The following MGAT5 variants were observed in gnomAD, a reference collection of about 807,000 sequenced individuals.
MGAT5 encodes alpha-1,6-mannosylglycoprotein 6-beta-N-acetylglucosaminyltransferase, also known as alpha-1,6-mannosylglycoprotein 6-beta-N-acetylglucosaminyltransferase A.
Under a neutral mutation model 94.3 loss-of-function variants are expected in MGAT5, and 30 were observed. The ratio of observed to expected loss-of-function variants is 0.32; its 90% confidence interval spans 0.24 to 0.43. The LOEUF (loss-of-function observed/expected upper bound fraction) is 0.43. Ranked by LOEUF, MGAT5 falls within the 20% of genes least tolerant of loss-of-function variation. The pLI is 1.00. For synonymous variants in MGAT5, 310 were observed against 322.9 expected (o/e 0.96, Z 0.43); for missense variants, 691 against 905.5 (o/e 0.76, Z 3.04).
At chr2:134,205,572 T>G (rs1679987859) in intron 1 of MGAT5, among the ~76,000 whole-genome samples, 1 of 152,144 alleles carries the variant, frequency 6.6e-6, no homozygotes, top group African/African-American at 2.4e-5. Flanking sequence ...CGGCTCTCTT[T>G]CGGGCCTGCT....
Position 134,403,275 on chromosome 2 carries a change from G to A in MGAT5, c.1530+138G>A, listed in dbSNP as rs566218268. Reference sequence around the variant, plus strand: ...TGGGGCAGCAGTTTGCTAGACCAATGGCAGCTGAAAAGTAAGTGAATTGTG... The same window carrying A: ...TGGGGCAGCAGTTTGCTAGACCAATAGCAGCTGAAAAGTAAGTGAATTGTG... On this transcript the variant is annotated intron_variant, in intron 11 of 15. Transcript: ENST00000281923. 1.5e-4 allele frequency: 120 copies of A among 781,762 alleles called. No homozygotes were observed. The African/African-American group carries it at 2.0e-3, about 13-fold the overall frequency. 48.4% of individuals were successfully genotyped at this position (781,762 alleles called of 1,614,324 possible). A position where few individuals can be genotyped will look rare whatever the true frequency, so the allele number is the denominator to read the frequency against.
intron 1 of MGAT5, among the ~76,000 whole-genome samples, chr2:134,128,907 G>A (rs1424599914): frequency 1.3e-5 from 2 of 152,104 alleles, no homozygotes; most frequent in Non-Finnish European, 2.9e-5. Flanking sequence ...TTGATGCCAT[G>A]TCTGGTTAAT....
chr2:134,216,345 T>G (rs1329465341), intron 1 of MGAT5, among the ~76,000 whole-genome samples: 1 of 152,188 alleles, frequency 6.6e-6, no homozygotes, highest in Non-Finnish European at 1.5e-5. Context: ...CCGAACTTGA[T>G]TTTCAGGTTT....
At chr2:134,155,407 T>C (rs1687429463) in intron 1 of MGAT5, among the ~76,000 whole-genome samples, 2 of 152,246 alleles carry the variant, frequency 1.3e-5, no homozygotes, top group Admixed American at 1.3e-4. Context: ...GAAGTTGGTC[T>C]GATTGTGTTT....
At position 134,362,346 on chromosome 2, in the gene MGAT5, A is replaced by G; in HGVS notation, c.1318A>G (p.Ile440Val). The change falls in exon 10 of 16, where the codon ATT (isoleucine) becomes GTT (valine). Residue 440 changes from isoleucine to valine, a missense_variant. This residue lies in a region of MGAT5 where 121 missense variants were observed against 206.1 expected (regional missense o/e 0.59). Coordinates refer to ENST00000281923, the MANE Select transcript of MGAT5 (RefSeq NM_002410.5). ...QHLNSSDIHH[I>V]NEIKRQNQSL... ...CCTGAACTCCAGTGATATCCACCAC[A>G]TTAATGAAATCAAAAGGCAGAACCA... 1 of 1,614,184 alleles carries G rather than the reference A, an allele frequency of 6.2e-7. No homozygotes were observed. The highest frequency in any genetic ancestry group is 8.5e-7 in the Non-Finnish European group (1 of 1,179,996).
intron 1 of MGAT5, among the ~76,000 whole-genome samples, chr2:134,178,358 C>G (rs1367091138): frequency 6.6e-6 from 1 of 152,160 alleles, no homozygotes; most frequent in Admixed American, 6.5e-5. Context: ...AGGAAGATGT[C>G]CACCCCCAGG....
At chr2:134,421,583 CAA>C (rs70973454) in intron 12 of MGAT5, among the ~76,000 whole-genome samples, 2 of 140,660 alleles carry the variant, frequency 1.4e-5, no homozygotes, top group African/African-American at 2.6e-5. Context: ...AACTCTGTTT[CAA>C]AAAAAAAAAA....
chr2:134,354,497 G>A (rs1310214866), intron 9 of MGAT5, among the ~76,000 whole-genome samples: 2 of 152,154 alleles, frequency 1.3e-5, no homozygotes, highest in East Asian at 1.9e-4. Context: ...ATGTGTTTGC[G>A]TTCTTAAATA....
chr2:134,299,138 A>G (rs1460617230), intron 2 of MGAT5, among the ~76,000 whole-genome samples: 2 of 152,118 alleles, frequency 1.3e-5, no homozygotes, highest in Non-Finnish European at 2.9e-5. Context: ...AGTCCACAAA[A>G]TCTCTGTCAA....
intron 1 of MGAT5, among the ~76,000 whole-genome samples, chr2:134,217,023 C>T (rs757483764): frequency 6.6e-6 from 1 of 152,094 alleles, no homozygotes; most frequent in Non-Finnish European, 1.5e-5. Context: ...GCCAGTTTCT[C>T]ATAAACTATC....
At position 134,381,395 on chromosome 2, in the gene MGAT5, T is replaced by TA. The variant is rs745500845; in HGVS notation, c.1380+18988dup. 8.8e-3 allele frequency among the ~76,000 whole-genome samples: 706 copies of TA among 80,284 alleles called. 5 individuals carry two copies. The highest frequency in any genetic ancestry group is 0.028 in the African/African-American group (632 of 22,212). The allele number at this position is 80,284 out of a possible 152,430, so 52.7% of individuals were successfully genotyped here. A position where few individuals can be genotyped will look rare whatever the true frequency, so the allele number is the denominator to read the frequency against. ...AGATAAGATAGATTAGATAGATAGA[T>TA]AGATAGATAGATAGATAGATAGATA... is the stretch of plus-strand genomic sequence containing the variant. On this transcript the variant is annotated intron_variant, in intron 10 of 15. Coordinates refer to ENST00000281923, the MANE Select transcript of MGAT5 (RefSeq NM_002410.5).
intron 8 of MGAT5, among the ~76,000 whole-genome samples, chr2:134,349,286 C>T (rs1321402501): frequency 6.6e-6 from 1 of 152,094 alleles, no homozygotes; most frequent in Non-Finnish European, 1.5e-5. Flanking sequence ...TAAAAAAATA[C>T]CATTGCCTAC....
intron 12 of MGAT5, among the ~76,000 whole-genome samples, chr2:134,416,238 T>G (rs1683954984): frequency 6.6e-6 from 1 of 152,194 alleles, no homozygotes; most frequent in African/African-American, 2.4e-5. Context: ...TTTCCAGAAC[T>G]TGTTCATCAT....
chr2:134,277,990 C>G (rs1299887821), intron 2 of MGAT5, among the ~76,000 whole-genome samples: 1 of 152,126 alleles, frequency 6.6e-6, no homozygotes, highest in Non-Finnish European at 1.5e-5. Flanking sequence ...TTAACTTAAA[C>G]TAAAAGGGAA....
chr2:134,126,870 G>A lies in MGAT5; in HGVS notation c.-143+6579G>A, dbSNP rs141759040. On this transcript the variant is annotated intron_variant, in intron 1 of 16. Coordinates refer to the MGAT5 transcript ENST00000409645. The stretch of plus-strand genomic sequence containing the variant: ...TTCAACATAAGGAAGTTTGGTATCA[G>A]TCTTCTTGCAGCTGCTTTTTTTTTT... Among the ~76,000 whole-genome samples the A allele has an allele frequency of 4.6e-3, 705 of 151,682 alleles. 2 individuals carry two copies. The highest frequency in any genetic ancestry group is 0.016 in the African/African-American group (663 of 41,402).
intron 12 of MGAT5, among the ~76,000 whole-genome samples, chr2:134,413,312 T>C (rs917730484): frequency 6.6e-6 from 1 of 152,148 alleles, no homozygotes; most frequent in Non-Finnish European, 1.5e-5. Flanking sequence ...ATGTTTGAAG[T>C]TTAGGGAGTG....
intron 2 of MGAT5, among the ~76,000 whole-genome samples, chr2:134,305,810 G>A (rs1459970665): frequency 2.0e-5 from 3 of 152,112 alleles, no homozygotes; most frequent in African/African-American, 7.2e-5. Context: ...AGGGGACTTG[G>A]CAAAAGCTTG....
intron 1 of MGAT5, among the ~76,000 whole-genome samples, chr2:134,146,218 A>G (rs1686911414): frequency 1.3e-5 from 2 of 152,166 alleles, no homozygotes; most frequent in Admixed American, 1.3e-4. Context: ...ACCCCATTGC[A>G]TATATTAAGT....
chr2:134,390,301 C>T (rs1031724379), intron 10 of MGAT5, among the ~76,000 whole-genome samples: 1 of 152,208 alleles, frequency 6.6e-6, no homozygotes, highest in East Asian at 1.9e-4. Context: ...AGCTACCCTC[C>T]AATCAAATCA....
Sources: gnomAD v4.1 joint callset for allele counts (sites outside exome capture counted in the v4.1 genomes callset) on GRCh38, gnomAD v4.1.1 for gene constraint, gnomAD v4.1.1 regional missense constraint, MANE v1.5 for transcripts, NCBI Gene and HGNC (gene_info 2026-07-23, HGNC 2026-07-21) for gene names.